Variants in DNAH17 observed in about 807,000 individuals in gnomAD.
The protein encoded by DNAH17 is axonemal beta dynein heavy chain 17.
A neutral mutation model predicts 485.6 loss-of-function variants in DNAH17; 376 were observed. The ratio of observed to expected loss-of-function variants is 0.77; its 90% CI spans 0.71 to 0.84. The LOEUF (loss-of-function observed/expected upper bound fraction) is 0.84, where lower values mean the gene tolerates loss of function less well. Among genes scored for constraint, DNAH17 ranks in the 40% least tolerant of loss-of-function variants. The pLI is 0.00. For synonymous variants in DNAH17, 3,031 were observed against 2,405.9 expected, an observed-to-expected ratio of 1.26 and a Z score of -7.60; for missense variants, 6,370 against 5,839.3, an observed-to-expected ratio of 1.09 and a Z score of -2.96.
intron 51 of DNAH17, among the ~76,000 whole-genome samples, chr17:78,477,000 T>C (rs1489006591): frequency 6.6e-6 from 1 of 152,004 alleles, no homozygotes; most frequent in East Asian, 1.9e-4. Flanking sequence ...GAGTGAATGG[T>C]GGAGGAGGGA....
At position 78,569,173 on chromosome 17, in the gene DNAH17, G is replaced by T. The variant is rs1167783853; in HGVS notation, c.1277C>A (p.Thr426Asn). 2 of 1,601,606 alleles carry T rather than the reference G, an allele frequency of 1.2e-6. No individual in the cohort carries two copies. Among genetic ancestry groups the T allele is most frequent in the East Asian group, 2.2e-5 (1 of 44,620 alleles). The part of the protein sequence containing the change: ...RINSFFQRIQ[T>N]IEELYKTAIE... ...ACCGAGTTCTGTTTTTACCTCAATG[G>T]TCTGGATGCGCTGGAAGAAGGAATT... The change falls in exon 9 of 81, where the codon ACC becomes AAC. Residue 426 changes from threonine to asparagine, a missense_variant. Transcript: ENST00000389840.
At position 78,482,070 on chromosome 17, in the gene DNAH17, CTTTTTT is replaced by C. The variant is rs36105381; in HGVS notation, c.7650-1290_7650-1285del. 7.3e-3 allele frequency among the ~76,000 whole-genome samples: 952 copies of C among 130,652 alleles called. 11 individuals carry two copies. Among genetic ancestry groups the C allele is most frequent in the African/African-American group, 0.024 (864 of 35,384 alleles). 85.7% of individuals were successfully genotyped at this position (130,652 alleles called of 152,430 possible). On this transcript the variant is annotated intron_variant, in intron 48 of 80. Coordinates refer to ENST00000389840, the MANE Select transcript of DNAH17 (RefSeq NM_173628.4). ...CCTTGATGTCACACTACACTAGTTACTTTTTTTTTTTTTTTTTTTTCCCCCGAGACA... is the reference window on the plus strand; with the variant it reads ...CCTTGATGTCACACTACACTAGTTACTTTTTTTTTTTTTTCCCCCGAGACA...
rs1316930385 is a variant in DNAH17, at chr17:78,505,337, C to T, written c.4912G>A (p.Asp1638Asn). The T allele has an allele frequency of 1.2e-6, 2 of 1,613,872 alleles. No homozygotes were observed. The highest frequency in any genetic ancestry group is 1.7e-6 in the Non-Finnish European group (2 of 1,179,894). ...TCCTGATCAAAAACCATGTACTCGT[C>T]CTCCTTGCTGTACATTCCCAGGCCC... ...KVGLGMYSKE[D>N]EYMVFDQECD... Residue 1638 changes from aspartate to asparagine, a missense_variant, in exon 31 of 81, where the codon GAC (aspartate) becomes AAC (asparagine). Coordinates refer to ENST00000389840, the MANE Select transcript of DNAH17 (RefSeq NM_173628.4).
chr17:78,474,319 A>G (rs558669082), intron 54 of DNAH17, among the ~76,000 whole-genome samples: 1 of 152,322 alleles, frequency 6.6e-6, no homozygotes, highest in Admixed American at 6.5e-5. Context: ...GGCCCAATCG[A>G]TTTCAGGTCT....
intron 65 of DNAH17, among the ~76,000 whole-genome samples, chr17:78,452,716 C>A (rs777155282): frequency 1.3e-5 from 2 of 152,158 alleles, no homozygotes; most frequent in Admixed American, 6.5e-5. Context: ...CCAGCCTGGA[C>A]GACAGAGCGA....
rs61742178 is a variant in DNAH17, at chr17:78,429,137, G to A, written c.12389C>T (p.Pro4130Leu). The part of the protein sequence containing the change: ...VLLAPGFQIP[P>L]NLDYKGYHEY... ...CATCCTTACCTTGTAGTCCAGGTTG[G>A]GGGGGATCTGAAAGCCGGGGGCCAG... Residue 4130 changes from proline (P) to leucine (L), a missense_variant, in exon 76 of 81, where the codon CCC (proline) becomes CTC (leucine). Transcript: ENST00000389840. 5.0e-6 allele frequency: 8 copies of A among 1,613,406 alleles called. No individual in the cohort carries two copies. Among genetic ancestry groups the A allele is most frequent in the African/African-American group, 2.7e-5 (2 of 74,918 alleles).
At chr17:78,546,406 T>C (rs1282122845) in intron 16 of DNAH17, among the ~76,000 whole-genome samples, 1 of 152,114 alleles carries the variant, frequency 6.6e-6, no homozygotes, top group South Asian at 2.1e-4. Flanking sequence ...TTATATATAC[T>C]GTAACTAATG....
Position 78,507,453 on chromosome 17 carries a change from C to G in DNAH17, c.4584+5G>C, listed in dbSNP as rs529625282. On this transcript the variant is annotated splice_donor_5th_base_variant and intron_variant, in intron 28 of 80. Coordinates refer to ENST00000389840, the MANE Select transcript of DNAH17 (RefSeq NM_173628.4). ...AGTGCGTGGGAACCACCGGGCTGTG[C>G]TCACCTTGAATTCCTGGTTGATGTC... The G allele has an allele frequency of 5.0e-6, 8 of 1,612,596 alleles. No homozygotes were observed. In the African/African-American group the frequency reaches 6.7e-5, roughly 13 times the overall value.
At position 78,502,907 on chromosome 17, in the gene DNAH17, C is replaced by A. The variant is rs369972652; in HGVS notation, c.5061G>T (p.Trp1687Cys). 1 of 1,613,982 alleles carries A rather than the reference C, an allele frequency of 6.2e-7. No individual in the cohort carries two copies. Residue 1687 changes from tryptophan (W) to cysteine (C), a missense_variant, in exon 32 of 81, where the codon TGG (tryptophan) becomes TGT (cysteine). By Grantham distance (215) the Trp-to-Cys change is radical. Transcript: ENST00000389840. ...VTYEEKPREQ[W>C]ILDYPAQVAL... ...AGACCTGGGCTGGGTAGTCCAGGAT[C>A]CACTGCTCCCTCGGCTTCTCTTCGT...
At chr17:78,437,231 A>G (rs1363935315) in intron 74 of DNAH17, among the ~76,000 whole-genome samples, 3 of 152,204 alleles carry the variant, frequency 2.0e-5, no homozygotes, top group Non-Finnish European at 4.4e-5. Flanking sequence ...CATAGCCTCC[A>G]GCAGTGGGGC....
At chr17:78,462,744 G>T (rs1472178636) in intron 57 of DNAH17, 100 bp downstream of exon 57, 3 of 1,165,312 alleles carry the variant, frequency 2.6e-6, no homozygotes, top group South Asian at 1.4e-5. Context: ...GCAGTGCTGA[G>T]CCCCAGTGTG....
intron 17 of DNAH17, among the ~76,000 whole-genome samples, chr17:78,540,451 G>GGATGGATGGA (rs2091499962): frequency 6.6e-5 from 1 of 15,264 alleles, no homozygotes; most frequent in Admixed American, 6.5e-4. Context: ...GGATGGATGG[G>GGATGGATGGA]TGGGTGGGTG....
At chr17:78,528,031 G>A (rs1280048230) in intron 22 of DNAH17, among the ~76,000 whole-genome samples, 1 of 151,812 alleles carries the variant, frequency 6.6e-6, no homozygotes, top group Non-Finnish European at 1.5e-5. Flanking sequence ...TGCCCGCCTC[G>A]GCCTCCCAAA....
At chr17:78,560,445 C>A (rs539166056) in intron 13 of DNAH17, among the ~76,000 whole-genome samples, 1 of 151,934 alleles carries the variant, frequency 6.6e-6, no homozygotes, top group Non-Finnish European at 1.5e-5. Flanking sequence ...CCTTGACCAG[C>A]CAGTGCATTT....
At position 78,574,680 on chromosome 17, in the gene DNAH17, C is replaced by T. The variant is rs556840005; in HGVS notation, c.345+33G>A. On this transcript the variant is annotated intron_variant, in intron 2 of 80. Coordinates refer to ENST00000389840, the MANE Select transcript of DNAH17 (RefSeq NM_173628.4). ...CCGCTCCCGAGAAGTCGGTCGTGCTCGACACCCCGGATGGCAGCCTGGACG... is the reference window on the plus strand; with the variant it reads ...CCGCTCCCGAGAAGTCGGTCGTGCTTGACACCCCGGATGGCAGCCTGGACG... 1.7e-5 allele frequency: 26 copies of T among 1,556,530 alleles called. No individual in the cohort carries two copies. The African/African-American group carries it at 2.2e-4, about 13-fold the overall frequency.
At chr17:78,549,674 G>A (rs561813653) in intron 16 of DNAH17, among the ~76,000 whole-genome samples, 1 of 152,324 alleles carries the variant, frequency 6.6e-6, no homozygotes, top group Admixed American at 6.5e-5. Context: ...GGGTCTCAGA[G>A]ACAGAGAGAA....
At chr17:78,540,211 ATTTGTC>A (rs1008406813) in intron 17 of DNAH17, among the ~76,000 whole-genome samples, 17 of 56,236 alleles carry the variant, frequency 3.0e-4, no homozygotes, top group African/African-American at 8.7e-4. Flanking sequence ...GAATTATTTT[ATTTGTC>A]TTTGTCTTTG....
intron 36 of DNAH17, 34 bp from the exon 37 acceptor site, chr17:78,499,146 G>C: frequency 6.7e-7 from 1 of 1,489,374 alleles, no homozygotes; most frequent in Non-Finnish European, 9.0e-7. Context: ...GGAAGAGCTG[G>C]GAGGGTGACA....
intron 51 of DNAH17, among the ~76,000 whole-genome samples, chr17:78,478,529 A>G (rs1312907458): frequency 6.6e-6 from 1 of 151,346 alleles, no homozygotes; most frequent in East Asian, 2.0e-4. Flanking sequence ...CACCACCATC[A>G]CTATCATCAC....
Sources: allele counts gnomAD v4.1 joint callset (sites outside exome capture counted in the v4.1 genomes callset), GRCh38; gene constraint gnomAD v4.1.1; transcripts MANE v1.5; gene names NCBI Gene and HGNC (gene_info 2026-07-23, HGNC 2026-07-21).